The following VDAC1 variants were observed in gnomAD, a reference collection of about 807,000 sequenced individuals.
VDAC1 encodes voltage dependent anion channel 1.
VDAC1 carries 10 observed loss-of-function variants against 34.7 expected under a neutral mutation model. That is an observed-to-expected ratio of 0.29 (90% confidence interval 0.18 to 0.49). The LOEUF (loss-of-function observed/expected upper bound fraction) is 0.49, where lower values mean the gene tolerates loss of function less well. Among genes scored for constraint, VDAC1 ranks in the 20% least tolerant of loss-of-function variants. VDAC1 has a pLI of 0.99. For missense variants in VDAC1, 230 were observed against 347.9 expected, an observed-to-expected ratio of 0.66 and a Z score of 2.69; for synonymous variants, 130 against 136.0, an observed-to-expected ratio of 0.96 and a Z score of 0.30.
the VDAC1 span, among the ~76,000 whole-genome samples, chr5:134,063,189 A>G: frequency 6.6e-6 from 1 of 152,206 alleles, no homozygotes; most frequent in African/African-American, 2.4e-5. Context: ...ATTTGTCTAA[A>G]TAAGAAATTA....
the VDAC1 span, among the ~76,000 whole-genome samples, chr5:134,055,588 GTTTTTT>G: frequency 1.2e-3 from 69 of 59,614 alleles, 1 homozygote; most frequent in African/African-American, 4.1e-3. Context: ...CCCCGCTAAT[GTTTTTT>G]TTTTTTTTTT....
chr5:134,067,812 AAGAACCTT>A, the VDAC1 span, among the ~76,000 whole-genome samples: 1 of 152,136 alleles, frequency 6.6e-6, no homozygotes, highest in African/African-American at 2.4e-5. Context: ...AAAACAACAA[AAGAACCTT>A]AGAATGCTTC....
the VDAC1 span, among the ~76,000 whole-genome samples, chr5:134,035,419 T>TAA: frequency 6.6e-6 from 1 of 152,156 alleles, no homozygotes; most frequent in Non-Finnish European, 1.5e-5. Flanking sequence ...TTTTTTAAAA[T>TAA]ATACGTTTTG....
chr5:134,077,535 A>G, the VDAC1 span, among the ~76,000 whole-genome samples: 1 of 152,188 alleles, frequency 6.6e-6, no homozygotes, highest in Admixed American at 6.5e-5. Context: ...CCAAACTGTG[A>G]CTTGTACAAT....
the VDAC1 span, among the ~76,000 whole-genome samples, chr5:134,063,798 A>G: frequency 6.6e-6 from 1 of 152,174 alleles, no homozygotes; most frequent in African/African-American, 2.4e-5. Context: ...ATGAGCAAAT[A>G]AAATGATTGT....
chr5:134,055,588 G>GTTTTTGTTTTTTTTTTTGTTTTTGTTTT, the VDAC1 span, among the ~76,000 whole-genome samples: 1 of 59,626 alleles, frequency 1.7e-5, no homozygotes, highest in African/African-American at 7.2e-5. Context: ...CCCCGCTAAT[G>GTTTTTGTTTTTTTTTTTGTTTTTGTTTT]TTTTTTTTTT....
At chr5:133,984,710 T>C (rs1478784081) in intron 5 of VDAC1, among the ~76,000 whole-genome samples, 1 of 152,022 alleles carries the variant, frequency 6.6e-6, no homozygotes, top group Non-Finnish European at 1.5e-5. Context: ...CCAAGGCAGG[T>C]AGATCACTTG....
chr5:134,100,994 A>G, the VDAC1 span, among the ~76,000 whole-genome samples: 2 of 152,248 alleles, frequency 1.3e-5, no homozygotes, highest in South Asian at 2.1e-4. Flanking sequence ...CTTCTGATCC[A>G]TTCTCTGAGC....
At chr5:134,014,097 T>G in the VDAC1 span, among the ~76,000 whole-genome samples, 1 of 152,094 alleles carries the variant, frequency 6.6e-6, no homozygotes, top group Non-Finnish European at 1.5e-5. Flanking sequence ...TGAGACAACC[T>G]GGCCAACATG....
chr5:134,027,389 C>G, the VDAC1 span, among the ~76,000 whole-genome samples: 1 of 152,162 alleles, frequency 6.6e-6, no homozygotes, highest in African/African-American at 2.4e-5. Context: ...GGTGTGCAGG[C>G]GCTGTGCCGG....
intron 1 of VDAC1, among the ~76,000 whole-genome samples, chr5:133,995,262 G>T (rs1753254021): frequency 6.6e-6 from 1 of 152,168 alleles, no homozygotes; most frequent in African/African-American, 2.4e-5. Flanking sequence ...TTGGGGCTGT[G>T]GGGTTCCACA....
intron 3 of VDAC1, 102 bp from the exon 4 acceptor site, chr5:133,991,256 T>C: frequency 1.4e-6 from 2 of 1,459,646 alleles, no homozygotes; most frequent in South Asian, 2.5e-5. Flanking sequence ...GGCAAGACCC[T>C]GAATGTGGGG....
the VDAC1 span, among the ~76,000 whole-genome samples, chr5:134,014,964 GC>G: frequency 1.4e-4 from 21 of 152,310 alleles, no homozygotes; most frequent in Admixed American, 1.3e-3. Context: ...CAACCTAGGT[GC>G]CCATCAGTGG....
rs1405966854 is a variant in VDAC1 at position 133,980,874 on chromosome 5, G to A, written c.406C>T (p.Pro136Ser). Residue 136 changes from proline (P) to serine (S), a missense_variant, in exon 6 of 9, where the codon CCT (proline) becomes TCT (serine). Coordinates refer to ENST00000265333, the MANE Select transcript of VDAC1 (RefSeq NM_003374.3). ...AGCACCAGAGCACCCCGGATGGAAG[G>A]CCCAGCAATGTCGAAATCCATGTCG... is the stretch of plus-strand genomic sequence containing the variant. ...GCDMDFDIAG[P>S]SIRGALVLGY... The A allele has an allele frequency of 6.2e-7, 1 of 1,613,936 alleles. No individual in the cohort carries two copies.
chr5:134,088,182 C>CA, the VDAC1 span, among the ~76,000 whole-genome samples: 54 of 151,178 alleles, frequency 3.6e-4, no homozygotes, highest in African/African-American at 1.1e-3. Flanking sequence ...CAAAACAAAA[C>CA]AAAAAAAACA....
the VDAC1 span, among the ~76,000 whole-genome samples, chr5:134,027,132 T>C: frequency 2.1e-3 from 327 of 152,258 alleles, 3 homozygotes; most frequent in African/African-American, 7.6e-3. Context: ...CCCCGCCCTA[T>C]AAAGAAATGT....
chr5:134,101,244 C>G, the VDAC1 span, among the ~76,000 whole-genome samples: 1 of 152,204 alleles, frequency 6.6e-6, no homozygotes, highest in African/African-American at 2.4e-5. Context: ...TGGGCACTTC[C>G]TTTCTCCGAG....
At chr5:134,102,558 C>T in the VDAC1 span, among the ~76,000 whole-genome samples, 2 of 152,080 alleles carry the variant, frequency 1.3e-5, no homozygotes, top group Middle Eastern at 3.4e-3. Flanking sequence ...ATCCCAGCTA[C>T]TCGGGAGGCT....
chr5:134,088,888 G>A, the VDAC1 span, among the ~76,000 whole-genome samples: 3 of 152,182 alleles, frequency 2.0e-5, no homozygotes, highest in East Asian at 1.9e-4. Context: ...AACTTCATAC[G>A]AATGGACTCA....
Sources: gnomAD v4.1 joint callset for allele counts (sites outside exome capture counted in the v4.1 genomes callset) on GRCh38, gnomAD v4.1.1 for gene constraint, MANE v1.5 for transcripts, NCBI Gene and HGNC (gene_info 2026-07-23, HGNC 2026-07-21) for gene names.